Variants in EDRF1 observed in about 807,000 individuals in gnomAD.
EDRF1 encodes the protein erythroid differentiation-related factor 1.
EDRF1 carries 69 observed loss-of-function variants against 148.7 expected under a neutral mutation model. The observed-to-expected ratio is 0.46, with a 90% confidence interval of 0.38 to 0.57. The LOEUF (loss-of-function observed/expected upper bound fraction) is 0.57. Ranked by LOEUF, EDRF1 falls within the 20% of genes least tolerant of loss-of-function variation. EDRF1 has a pLI of 0.00. For missense variants in EDRF1, 1,118 were observed against 1,478.7 expected (o/e 0.76, Z 4.00); for synonymous variants, 515 against 532.8 (o/e 0.97, Z 0.46).
At chr10:125,759,636 AAG>A (rs1331545493) in intron 24 of EDRF1, among the ~76,000 whole-genome samples, 6 of 152,236 alleles carry the variant, frequency 3.9e-5, no homozygotes, top group Non-Finnish European at 8.8e-5. Flanking sequence ...CTTTAAAAAA[AAG>A]AAAAAAAATG....
intron 24 of EDRF1, chr10:125,757,018 GC>G: frequency 4.7e-6 from 2 of 428,568 alleles, no homozygotes; most frequent in South Asian, 1.7e-5. Context: ...TTGCCATGTT[GC>G]CCAGGCTGGT....
At position 125,743,084 on chromosome 10, in the gene EDRF1, A is replaced by G; in HGVS notation, c.2398A>G (p.Thr800Ala). The G allele has an allele frequency of 1.2e-6, 2 of 1,613,870 alleles. No individual in the cohort carries two copies. The highest frequency in any genetic ancestry group is 2.2e-5 in the East Asian group (1 of 44,810). Residue 800 changes from threonine to alanine, a missense_variant, in exon 18 of 25, where the codon ACA becomes GCA. By Grantham distance (58) the Thr-to-Ala change is moderately conservative. Around this residue, in one of 3 missense-constraint regions of EDRF1, gnomAD observed 954 missense variants for 1,241.4 expected, o/e 0.77. Coordinates refer to ENST00000356792, the MANE Select transcript of EDRF1 (RefSeq NM_001202438.2). ...QGFAWATDLS[T>A]DLESQLSVSC... is the part of the protein sequence containing the mutation. ...ATTTGCATGGGCAACTGATTTGTCT[A>G]CAGACTTAGAAAGTCAACTCTCTGT...
chr10:125,732,070 A>G (rs1276367515), intron 9 of EDRF1: 2 of 259,482 alleles, frequency 7.7e-6, no homozygotes, highest in East Asian at 8.6e-5. Flanking sequence ...TGGTCTCTGA[A>G]AAAATGCACT....
Position 125,747,614 on chromosome 10 carries a change from T to C in EDRF1, c.2893T>C (p.Trp965Arg). 1 of 1,614,174 alleles carries C rather than the reference T, an allele frequency of 6.2e-7. No individual in the cohort carries two copies. The highest frequency in any genetic ancestry group is 8.5e-7 in the Non-Finnish European group (1 of 1,180,004). Reference protein sequence around the residue: ...IHPAVWDSVNWELSTTYFTMA... With the variant: ...IHPAVWDSVNRELSTTYFTMA... ...CCCAGCTGTTTGGGATTCAGTGAAC[T>C]GGGAATTGTCCACTACTTACTTTAC... The change falls in exon 20 of 25, where the codon TGG (tryptophan) becomes CGG (arginine). Residue 965 changes from tryptophan (W) to arginine (R), a missense_variant. Transcript: ENST00000356792.
chr10:125,751,845 A>G (rs1849658741), intron 22 of EDRF1: 1 of 152,258 alleles, frequency 6.6e-6, no homozygotes, highest in Non-Finnish European at 1.5e-5. Context: ...CGGGAGGCAG[A>G]GTCCTGGAGA....
rs1848238872 is a variant in EDRF1 at position 125,725,926 on chromosome 10, G to A, written c.792+88G>A. 2.6e-5 allele frequency: 35 copies of A among 1,357,514 alleles called. 1 individual carries two copies. In the South Asian group the frequency reaches 3.7e-4, roughly 14 times the overall value. 84.1% of individuals were successfully genotyped at this position (1,357,514 alleles called of 1,614,324 possible). A position where few individuals can be genotyped will look rare whatever the true frequency, so the allele number is the denominator to read the frequency against. Reference sequence around the variant, plus strand: ...CGTTAAAAAAAAAAAAAGATGAACAGGACTAAGAAATATTCTGTCAGCTTA... The same window carrying A: ...CGTTAAAAAAAAAAAAAGATGAACAAGACTAAGAAATATTCTGTCAGCTTA... On this transcript the variant is annotated intron_variant, in intron 6 of 24. Transcript: ENST00000356792.
intron 24 of EDRF1, chr10:125,756,734 G>A (rs1056430539): frequency 1.7e-5 from 6 of 363,304 alleles, no homozygotes; most frequent in African/African-American, 1.3e-4. Flanking sequence ...GTCTTTTTTT[G>A]TATGTCTTTT....
intron 24 of EDRF1, among the ~76,000 whole-genome samples, chr10:125,758,488 C>T (rs1277762385): frequency 1.3e-5 from 2 of 152,120 alleles, no homozygotes; most frequent in African/African-American, 4.8e-5. Context: ...GTACTTTCCC[C>T]CTGCTACGGC....
intron 13 of EDRF1, 78 bp from the exon 14 acceptor site, chr10:125,737,840 A>C (rs780592555): frequency 7.1e-7 from 1 of 1,406,266 alleles, no homozygotes; most frequent in Non-Finnish European, 1.0e-6. Flanking sequence ...GCTTACAGTA[A>C]TTTAATCTTC....
rs1372503207 is a variant in EDRF1, at chr10:125,764,110, A to G, written c.*638A>G. On this transcript the variant is annotated 3_prime_UTR_variant, in exon 25 of 25. Coordinates refer to ENST00000356792, the MANE Select transcript of EDRF1 (RefSeq NM_001202438.2). ...AAACTGTGAATAAGGTAAGAAAACT[A>G]TTTTGAATAAATAAACTATTTATTT... 1.3e-5 allele frequency: 2 copies of G among 152,676 alleles called. No homozygotes were observed. The highest frequency in any genetic ancestry group is 2.9e-5 in the Non-Finnish European group (2 of 68,062). The allele number at this position is 152,676 out of a possible 1,614,324, so 9.5% of individuals were successfully genotyped here. A position where few individuals can be genotyped will look rare whatever the true frequency, so the allele number is the denominator to read the frequency against.
At chr10:125,742,948 C>G (rs1849111663) in intron 17 of EDRF1, 110 bp from the exon 18 acceptor site, 1 of 1,504,510 alleles carries the variant, frequency 6.6e-7, no homozygotes, top group Admixed American at 2.0e-5. Flanking sequence ...GGTATACTTA[C>G]ACTATATTGC....
At chr10:125,743,642 C>A (rs964617346) in intron 18 of EDRF1, among the ~76,000 whole-genome samples, 1 of 152,068 alleles carries the variant, frequency 6.6e-6, no homozygotes, top group Non-Finnish European at 1.5e-5. Context: ...GGATGAGTAC[C>A]GACGAAGTAT....
chr10:125,732,730 T>C (rs1048825574), intron 9 of EDRF1, among the ~76,000 whole-genome samples: 1 of 152,210 alleles, frequency 6.6e-6, no homozygotes, highest in African/African-American at 2.4e-5. Context: ...TCCAGTTGAT[T>C]TGAAGTTTCC....
chr10:125,736,866 A>T (rs994397995), intron 13 of EDRF1, among the ~76,000 whole-genome samples: 1 of 151,460 alleles, frequency 6.6e-6, no homozygotes, highest in East Asian at 1.9e-4. Context: ...TTCCCTGACC[A>T]CTCTGGCCAA....
intron 13 of EDRF1, among the ~76,000 whole-genome samples, chr10:125,736,212 G>A (rs1011271077): frequency 2.0e-5 from 3 of 152,074 alleles, no homozygotes; most frequent in Admixed American, 6.6e-5. Flanking sequence ...ACTTCTATCC[G>A]GTGTTGGGGT....
intron 17 of EDRF1, 23 bp downstream of exon 17, chr10:125,741,224 GTGGTTCAC>G (rs1326099610): frequency 6.2e-7 from 1 of 1,602,258 alleles, no homozygotes; most frequent in Non-Finnish European, 8.6e-7. Flanking sequence ...CTTGGACCAC[GTGGTTCAC>G]AGTGGGACTG....
chr10:125,737,790 A>G (rs1848815147), intron 13 of EDRF1, 128 bp from the exon 14 acceptor site: 1 of 882,526 alleles, frequency 1.1e-6, no homozygotes, highest in Non-Finnish European at 1.9e-6. Flanking sequence ...AGCAACATAT[A>G]TGTTGTAGGA....
intron 17 of EDRF1, 131 bp downstream of exon 17, chr10:125,741,332 T>A: frequency 1.0e-6 from 1 of 996,044 alleles, no homozygotes; most frequent in Non-Finnish European, 1.6e-6. Flanking sequence ...TTATTTATTT[T>A]TTGAGACGGA....
rs569162216 is a variant in EDRF1, at chr10:125,756,265, C to T, written c.3545+2420C>T. Among the ~76,000 whole-genome samples the T allele has an allele frequency of 3.6e-4, 55 of 152,218 alleles. No homozygotes were observed. In the South Asian group the frequency reaches 4.1e-3, roughly 11 times the overall value. ...ACTTGTTAGCTATCTTTTGATATTG[C>T]TTGCTAGTTGAATTCTATTATGTGC... On this transcript the variant is annotated intron_variant, in intron 24 of 24. Transcript: ENST00000356792.
Sources: allele counts gnomAD v4.1 joint callset (sites outside exome capture counted in the v4.1 genomes callset), GRCh38; gene constraint gnomAD v4.1.1; regional missense constraint gnomAD v4.1.1; transcripts MANE v1.5; gene names NCBI Gene and HGNC (gene_info 2026-07-23, HGNC 2026-07-21).